The following TNIP3 variants were observed in gnomAD, a reference collection of about 807,000 sequenced individuals.
TNIP3 encodes TNFAIP3-interacting protein 3.
In TNIP3, 34 loss-of-function variants were observed where a neutral mutation model predicts 54.1. That is an observed-to-expected ratio of 0.63 (90% confidence interval 0.48 to 0.84). The LOEUF is 0.84. TNIP3 is among the 40% of genes least tolerant of loss of function. The probability of loss-of-function intolerance (pLI) is 0.00; values close to 1 mark genes in which losing one functional copy is unlikely to be tolerated. For missense variants in TNIP3, 366 were observed against 387.6 expected, an observed-to-expected ratio of 0.94 and a Z score of 0.47; for synonymous variants, 134 against 136.8, an observed-to-expected ratio of 0.98 and a Z score of 0.14.
At chr4:121,164,371 T>C, upstream of TNIP3, 12 of 1,249,622 alleles carry the variant, frequency 9.6e-6, no homozygotes, top group Non-Finnish European at 9.1e-6. Flanking sequence ...CTCTTCCAAA[T>C]AGGGATTTCC....
At chr4:121,191,167 G>A (rs1281248768) in intron 2 of TNIP3, among the ~76,000 whole-genome samples, 1 of 152,146 alleles carries the variant, frequency 6.6e-6, no homozygotes, top group Non-Finnish European at 1.5e-5. Context: ...CTATTTTCAT[G>A]AAGAAGCAGA....
rs935908125 is a variant in TNIP3 at position 121,132,472 on chromosome 4, C to A, written c.*159G>T. The A allele has an allele frequency of 1.6e-5, 10 of 609,234 alleles. No homozygotes were observed. Among genetic ancestry groups the A allele is most frequent in the Middle Eastern group, 2.9e-4 (1 of 3,418 alleles). 37.7% of individuals were successfully genotyped at this position (609,234 alleles called of 1,614,324 possible). A position where few individuals can be genotyped will look rare whatever the true frequency, so the allele number is the denominator to read the frequency against. On this transcript the variant is annotated 3_prime_UTR_variant, in exon 11 of 11. Coordinates refer to ENST00000057513, the MANE Select transcript of TNIP3 (RefSeq NM_024873.6). ...GATCAGGATCTTAGCTGTCAGAAGC[C>A]TTTTCCTGTATTCATACCAAAGGAA...
intron 3 of TNIP3, among the ~76,000 whole-genome samples, chr4:121,172,240 C>T (rs1022281311): frequency 6.6e-6 from 1 of 152,176 alleles, no homozygotes; most frequent in African/African-American, 2.4e-5. Context: ...CCTGAGACAA[C>T]TCAACCTTAG....
At position 121,131,564 on chromosome 4, in the gene TNIP3, C is replaced by T. The variant is rs1363880034; in HGVS notation, c.*1067G>A. The T allele has an allele frequency of 6.7e-6, 1 of 149,352 alleles. No individual in the cohort carries two copies. Among genetic ancestry groups the T allele is most frequent in the African/African-American group, 2.5e-5 (1 of 40,528 alleles). The allele number at this position is 149,352 out of a possible 1,614,324, so 9.3% of individuals were successfully genotyped here. A position where few individuals can be genotyped will look rare whatever the true frequency, so the allele number is the denominator to read the frequency against. On this transcript the variant is annotated 3_prime_UTR_variant, in exon 11 of 11. Coordinates refer to ENST00000057513, the MANE Select transcript of TNIP3 (RefSeq NM_024873.6). ...TAAGTATATATGGACACAGCATAGC[C>T]ATATAGCCATCATCATCCCATCAGG...
chr4:121,151,379 T>C (rs1729744089), intron 5 of TNIP3, among the ~76,000 whole-genome samples: 1 of 152,212 alleles, frequency 6.6e-6, no homozygotes, highest in Non-Finnish European at 1.5e-5. Context: ...GTTTTGAGTA[T>C]GTGAATAGGC....
intron 2 of TNIP3, among the ~76,000 whole-genome samples, chr4:121,194,759 C>T (rs768877733): frequency 1.3e-5 from 2 of 152,006 alleles, no homozygotes; most frequent in Non-Finnish European, 2.9e-5. Context: ...GTGGACTTCT[C>T]ATAATAAACA....
intron 2 of TNIP3, among the ~76,000 whole-genome samples, chr4:121,209,523 A>G (rs763640662): frequency 8.5e-5 from 13 of 152,320 alleles, no homozygotes; most frequent in Non-Finnish European, 1.5e-4. Flanking sequence ...AAGATGTCAC[A>G]CTGGGTATAA....
chr4:121,158,315 C>T (rs1223476910), intron 3 of TNIP3, among the ~76,000 whole-genome samples: 1 of 152,114 alleles, frequency 6.6e-6, no homozygotes, highest in Non-Finnish European at 1.5e-5. Context: ...TAGGGCTAAC[C>T]TGGCGTAAAC....
Position 121,191,629 on chromosome 4 carries a change from G to GACAGGT in TNIP3, c.69-8839_69-8834dup, listed in dbSNP as rs1479701176. On this transcript the variant is annotated intron_variant, in intron 2 of 12. Transcript: ENST00000507879. The stretch of plus-strand genomic sequence containing the variant: ...CTCTCAAATCGCTACCTGAATTTTA[G>GACAGGT]ACAGGTACAGTTCCAAGTTGTGACA... Among the ~76,000 whole-genome samples, 11 of 152,292 alleles carry GACAGGT rather than the reference G, an allele frequency of 7.2e-5. No individual in the cohort carries two copies. The East Asian group carries it at 2.1e-3, about 29-fold the overall frequency.
chr4:121,139,523 T>C (rs1473638202), intron 9 of TNIP3, among the ~76,000 whole-genome samples: 1 of 152,180 alleles, frequency 6.6e-6, no homozygotes, highest in Non-Finnish European at 1.5e-5. Context: ...ACAGAGAATA[T>C]AGATTTTTTT....
intron 1 of TNIP3, among the ~76,000 whole-genome samples, chr4:121,223,324 A>C (rs1278011749): frequency 2.0e-5 from 3 of 152,216 alleles, no homozygotes; most frequent in African/African-American, 7.2e-5. Flanking sequence ...TGAAGTAATA[A>C]ATTTTGTTTT....
chr4:121,138,046 T>TA (rs1326487848), intron 10 of TNIP3: 1 of 446,940 alleles, frequency 2.2e-6, no homozygotes, highest in Admixed American at 2.5e-5. Context: ...GTTAAATCAA[T>TA]AAAAAATAAG....
chr4:121,210,721 C>T (rs538342118), intron 2 of TNIP3, among the ~76,000 whole-genome samples: 1 of 152,166 alleles, frequency 6.6e-6, no homozygotes, highest in Admixed American at 6.5e-5. Context: ...AGACAGCAAG[C>T]TCTCTGGTGT....
Position 121,132,676 on chromosome 4 carries a change from T to C in TNIP3, c.947-14A>G. On this transcript the variant is annotated splice_polypyrimidine_tract_variant and intron_variant, in intron 10 of 10. Coordinates refer to ENST00000057513, the MANE Select transcript of TNIP3 (RefSeq NM_024873.6). ...CTGAGGATAAACCTATGGAAAACAG[T>C]AGGAAAATGTTTTAGATTAAAAATT... 1 of 1,605,142 alleles carries C rather than the reference T, an allele frequency of 6.2e-7. No individual in the cohort carries two copies. Among genetic ancestry groups the C allele is most frequent in the Non-Finnish European group, 8.5e-7 (1 of 1,172,358 alleles).
At chr4:121,171,147 G>T (rs948083101) in intron 3 of TNIP3, among the ~76,000 whole-genome samples, 5 of 152,146 alleles carry the variant, frequency 3.3e-5, no homozygotes, top group African/African-American at 4.8e-5. Context: ...GATTAAGTTT[G>T]TCATAGAATA....
chr4:121,151,535 A>C (rs564881503), intron 5 of TNIP3, among the ~76,000 whole-genome samples: 16 of 152,268 alleles, frequency 1.1e-4, no homozygotes, highest in African/African-American at 3.8e-4. Flanking sequence ...AAAGTAGTTT[A>C]ATAATTTATG....
At chr4:121,173,245 A>G (rs1262629937) in intron 3 of TNIP3, among the ~76,000 whole-genome samples, 1 of 152,204 alleles carries the variant, frequency 6.6e-6, no homozygotes. Flanking sequence ...GATTCAGGGA[A>G]GTTTTATGGG....
At chr4:121,149,907 C>T (rs1251017080) in intron 6 of TNIP3, among the ~76,000 whole-genome samples, 196 bp downstream of exon 6, 1 of 152,170 alleles carries the variant, frequency 6.6e-6, no homozygotes, top group Non-Finnish European at 1.5e-5. Flanking sequence ...ACTCAGTTCC[C>T]TATGTTCTAA....
intron 10 of TNIP3, among the ~76,000 whole-genome samples, chr4:121,135,764 G>C (rs1232347852): frequency 6.6e-6 from 1 of 152,158 alleles, no homozygotes; most frequent in Non-Finnish European, 1.5e-5. Flanking sequence ...GAGCAATTCA[G>C]TTACACCAAC....
Sources: allele counts gnomAD v4.1 joint callset (sites outside exome capture counted in the v4.1 genomes callset), GRCh38; gene constraint gnomAD v4.1.1; transcripts MANE v1.5; gene names NCBI Gene and HGNC (gene_info 2026-07-23, HGNC 2026-07-21).